The following SHTN1 variants were observed in gnomAD, a reference collection of about 807,000 sequenced individuals.
The protein encoded by SHTN1 is shootin 1, also known as shootin-1.
SHTN1 carries 42 observed loss-of-function variants against 83.1 expected under a neutral mutation model. The ratio of observed to expected loss-of-function variants is 0.51; its 90% CI spans 0.39 to 0.65. SHTN1 has a LOEUF of 0.65. SHTN1 is among the 30% of genes least tolerant of loss of function. The pLI, the probability that SHTN1 is intolerant of heterozygous loss-of-function variation, is 0.00. For synonymous variants in SHTN1, 224 were observed against 247.7 expected (o/e 0.90, Z 0.90); for missense variants, 622 against 737.8 (o/e 0.84, Z 1.82).
At chr10:116,920,522 A>G (rs1035925066) in intron 12 of SHTN1, among the ~76,000 whole-genome samples, 1 of 152,154 alleles carries the variant, frequency 6.6e-6, no homozygotes, top group African/African-American at 2.4e-5. Flanking sequence ...GTAAGCTACC[A>G]TCAACATTCA....
In SHTN1 at chr10:116,927,820, G is replaced by A. The variant is rs1330262590; in HGVS notation, c.1084C>T (p.Leu362Phe). 1 of 1,602,614 alleles carries A rather than the reference G, an allele frequency of 6.2e-7. No homozygotes were observed. Residue 362 changes from leucine (L) to phenylalanine (F), a missense_variant, in exon 11 of 17, where the codon CTT (leucine) becomes TTT (phenylalanine). By Grantham distance (22) the Leu-to-Phe change is conservative. This residue lies in a region of SHTN1 where 383 missense variants were observed against 455.8 expected (regional missense o/e 0.84). Coordinates refer to ENST00000355371, the MANE Select transcript of SHTN1 (RefSeq NM_001127211.3). ...VPPPPPPPPP[L>F]PPPPPNPIRS... Reference sequence around the variant, plus strand: ...ATAGGATTGGGAGGTGGAGGGGGAAGTGGTGGTGGAGGAGGAGGTGGTGGA... The same window carrying A: ...ATAGGATTGGGAGGTGGAGGGGGAAATGGTGGTGGAGGAGGAGGTGGTGGA...
intron 8 of SHTN1, 126 bp from the exon 9 acceptor site, chr10:116,940,738 T>A: frequency 4.4e-6 from 3 of 685,972 alleles, no homozygotes; most frequent in Non-Finnish European, 6.8e-6. Context: ...CTGACTTCTA[T>A]AAGTTTTAGA....
At chr10:116,944,810 G>C in intron 8 of SHTN1, 114 bp downstream of exon 8, 2 of 701,442 alleles carry the variant, frequency 2.9e-6, no homozygotes, top group Non-Finnish European at 5.1e-6. Context: ...AGAATCGCTT[G>C]AATCAGGGAG....
chr10:116,963,062 T>G (rs1181737583), intron 3 of SHTN1, among the ~76,000 whole-genome samples: 4 of 71,906 alleles, frequency 5.6e-5, no homozygotes, highest in East Asian at 4.2e-4. Flanking sequence ...TTTTTTTTTT[T>G]TTTTTTTTTT....
At chr10:117,102,424 T>C (rs1320959553) in intron 1 of SHTN1, among the ~76,000 whole-genome samples, 5 of 152,184 alleles carry the variant, frequency 3.3e-5, no homozygotes, top group Admixed American at 3.3e-4. Flanking sequence ...TTCGGGGACT[T>C]ACTTTCCACT....
intron 1 of SHTN1, among the ~76,000 whole-genome samples, chr10:117,121,755 G>A (rs1381357222): frequency 2.0e-5 from 3 of 151,726 alleles, no homozygotes; most frequent in African/African-American, 4.8e-5. Flanking sequence ...CATCTTGGCT[G>A]GGTGCGGTGG....
At chr10:117,049,381 A>AC (rs929576100) in intron 1 of SHTN1, among the ~76,000 whole-genome samples, 2 of 152,130 alleles carry the variant, frequency 1.3e-5, no homozygotes, top group African/African-American at 4.8e-5. Context: ...AACAACAACA[A>AC]AAAAAACAAA....
At chr10:117,068,759 T>C (rs531092778) in intron 1 of SHTN1, among the ~76,000 whole-genome samples, 40 of 152,340 alleles carry the variant, frequency 2.6e-4, no homozygotes, top group Middle Eastern at 3.4e-3. Flanking sequence ...AAATGTATAT[T>C]GAAATATTTA....
chr10:117,101,272 C>G (rs1853588320), intron 1 of SHTN1, among the ~76,000 whole-genome samples: 1 of 152,118 alleles, frequency 6.6e-6, no homozygotes, highest in African/African-American at 2.4e-5. Context: ...CTTTGATCAG[C>G]TCATCTGTAT....
chr10:116,917,956 G>C (rs983168848), intron 12 of SHTN1, among the ~76,000 whole-genome samples: 1 of 152,166 alleles, frequency 6.6e-6, no homozygotes, highest in African/African-American at 2.4e-5. Flanking sequence ...CTCTCTTGCC[G>C]ACCCTGTTTT....
chr10:117,004,591 A>G (rs1456377542), intron 1 of SHTN1, among the ~76,000 whole-genome samples: 1 of 152,194 alleles, frequency 6.6e-6, no homozygotes, highest in East Asian at 1.9e-4. Flanking sequence ...GGTGTGAAAC[A>G]GCCCTACAGG....
At chr10:117,075,270 T>G (rs1301056635) in intron 1 of SHTN1, among the ~76,000 whole-genome samples, 1 of 152,164 alleles carries the variant, frequency 6.6e-6, no homozygotes, top group Non-Finnish European at 1.5e-5. Context: ...CTAGATTTGA[T>G]GAGTCACAGT....
intron 15 of SHTN1, among the ~76,000 whole-genome samples, chr10:116,903,695 C>T (rs964045434): frequency 6.6e-6 from 1 of 152,140 alleles, no homozygotes. Context: ...CTCTATTCTG[C>T]CCTTGGGTAA....
At chr10:116,920,671 G>A (rs542448047) in intron 12 of SHTN1, among the ~76,000 whole-genome samples, 2 of 152,092 alleles carry the variant, frequency 1.3e-5, no homozygotes, top group East Asian at 3.9e-4. Context: ...CTGCTCTTAG[G>A]AGAAATGCCA....
chr10:117,120,191 T>C (rs563413957), intron 1 of SHTN1, among the ~76,000 whole-genome samples: 2 of 152,236 alleles, frequency 1.3e-5, no homozygotes, highest in East Asian at 3.9e-4. Context: ...AATTAGATTA[T>C]TTGTAACACA....
chr10:116,976,268 G>GA lies in SHTN1; in HGVS notation c.111+2987dup, dbSNP rs370678616. ...CCTCTGAACAACTGGTTTCCCTGAA[G>GA]AGCACCATGTCAGACCACTTGTCTC... On this transcript the variant is annotated intron_variant, in intron 2 of 16. Transcript: ENST00000355371. Among the ~76,000 whole-genome samples the GA allele has an allele frequency of 2.2e-3, 341 of 152,294 alleles. 2 individuals carry two copies. Among genetic ancestry groups the GA allele is most frequent in the African/African-American group, 7.7e-3 (321 of 41,562 alleles).
intron 6 of SHTN1, among the ~76,000 whole-genome samples, chr10:116,951,582 T>A (rs1302378165): frequency 6.6e-6 from 1 of 152,222 alleles, no homozygotes; most frequent in East Asian, 1.9e-4. Flanking sequence ...CTCTTCTTTC[T>A]CTACCAGCAG....
intron 9 of SHTN1, among the ~76,000 whole-genome samples, chr10:116,939,338 G>C (rs1196329102): frequency 6.6e-6 from 1 of 152,202 alleles, no homozygotes; most frequent in African/African-American, 2.4e-5. Context: ...TTGCAAAGAT[G>C]GTGGGAAAAG....
At chr10:117,100,219 T>C (rs985374163) in intron 1 of SHTN1, among the ~76,000 whole-genome samples, 1 of 152,114 alleles carries the variant, frequency 6.6e-6, no homozygotes, top group Non-Finnish European at 1.5e-5. Context: ...TAAATACATG[T>C]AAAGCATCTG....
Sources: gnomAD v4.1 joint callset for allele counts (sites outside exome capture counted in the v4.1 genomes callset) on GRCh38, gnomAD v4.1.1 for gene constraint, gnomAD v4.1.1 regional missense constraint, MANE v1.5 for transcripts, NCBI Gene and HGNC (gene_info 2026-07-23, HGNC 2026-07-21) for gene names.